The following RUNDC3A variants were observed in gnomAD, a reference collection of about 807,000 sequenced individuals.
RUNDC3A encodes the protein RUN domain-containing protein 3A.
In RUNDC3A, 28 loss-of-function variants were observed where a neutral mutation model predicts 53.9. The ratio of observed to expected loss-of-function variants is 0.52; its 90% CI spans 0.38 to 0.71. The LOEUF (loss-of-function observed/expected upper bound fraction) is 0.71. Among genes scored for constraint, RUNDC3A ranks in the 30% least tolerant of loss-of-function variants. The pLI is 0.00. For synonymous variants in RUNDC3A, 232 were observed against 249.4 expected (o/e 0.93, Z 0.66); for missense variants, 491 against 597.3 (o/e 0.82, Z 1.85).
rs1598332523 is a variant in RUNDC3A, at chr17:44,317,352, G to A, written c.1198+627G>A. On this transcript the variant is annotated intron_variant, in intron 10 of 10. Transcript: ENST00000426726. ...TGTTGTCACATGGTGAGGGCTCAGT[G>A]GTTTTTTAGTGTCATGACATCCTCG... The A allele has an allele frequency of 9.7e-6, 7 of 723,866 alleles. No homozygotes were observed. In the East Asian group the frequency reaches 1.3e-4, roughly 13 times the overall value. 44.8% of individuals were successfully genotyped at this position (723,866 alleles called of 1,614,324 possible). A position where few individuals can be genotyped will look rare whatever the true frequency, so the allele number is the denominator to read the frequency against.
chr17:44,314,674 T>G (rs850720), intron 4 of RUNDC3A, 61 bp from the exon 5 acceptor site: 31,834 of 835,688 alleles, frequency 0.038, 830 homozygotes, highest in Non-Finnish European at 0.043. Context: ...ATAGCAGCTC[T>G]GGGGGGGGGG....
chr17:44,318,389 C>G lies in RUNDC3A; in HGVS notation c.*151C>G, dbSNP rs2047918468. 33 of 917,552 alleles carry G rather than the reference C, an allele frequency of 3.6e-5. 1 individual carries two copies. In the South Asian group the frequency reaches 5.7e-4, roughly 16 times the overall value. The allele number at this position is 917,552 out of a possible 1,614,324, so 56.8% of individuals were successfully genotyped here. ...CTCGGGGAAGATCTCGTCTGCTCAC[C>G]TTAGCTTTCTGCCTTGGCAGCACGG... On this transcript the variant is annotated 3_prime_UTR_variant, in exon 11 of 11. Coordinates refer to ENST00000426726, the MANE Select transcript of RUNDC3A (RefSeq NM_001144825.2).
intron 10 of RUNDC3A, 51 bp from the exon 11 acceptor site, chr17:44,318,045 C>A: frequency 6.6e-7 from 1 of 1,524,486 alleles, no homozygotes; most frequent in Admixed American, 2.0e-5. Flanking sequence ...CCTCTACCAA[C>A]TCCCACACAT....
At chr17:44,312,518 C>A in intron 1 of RUNDC3A, 62 bp from the exon 2 acceptor site, 1 of 929,578 alleles carries the variant, frequency 1.1e-6, no homozygotes. Flanking sequence ...CCTGTCTCTC[C>A]CTCCATCACC....
chr17:44,311,569 T>C (rs895765597), intron 1 of RUNDC3A: 1 of 159,528 alleles, frequency 6.3e-6, no homozygotes, highest in African/African-American at 2.4e-5. Context: ...TTGATAAATA[T>C]AAGAAGAAAA....
intron 1 of RUNDC3A, chr17:44,311,245 C>T: frequency 7.1e-6 from 7 of 985,562 alleles, no homozygotes; most frequent in Non-Finnish European, 8.4e-6. Context: ...GGTCAGTGGT[C>T]CAAGGCTGGA....
chr17:44,309,130 A>G (rs1283030921), intron 1 of RUNDC3A, among the ~76,000 whole-genome samples, 191 bp downstream of exon 1: 1 of 152,144 alleles, frequency 6.6e-6, no homozygotes, highest in African/African-American at 2.4e-5. Context: ...CTTCTAGGCC[A>G]AGCCAAGCCT....
rs1295425265 is a variant in RUNDC3A at position 44,316,855 on chromosome 17, C to G, written c.1198+130C>G. 4.8e-6 allele frequency: 3 copies of G among 623,468 alleles called. No individual in the cohort carries two copies. In the African/African-American group the frequency reaches 6.0e-5, roughly 13 times the overall value. The allele number at this position is 623,468 out of a possible 1,614,324, so 38.6% of individuals were successfully genotyped here. A position where few individuals can be genotyped will look rare whatever the true frequency, so the allele number is the denominator to read the frequency against. ...TTTTTTTTTTTGAGACGGAGTCTCACTCTGTCATCCAAGTTGGAGTGCAGT... is the reference window on the plus strand; with the variant it reads ...TTTTTTTTTTTGAGACGGAGTCTCAGTCTGTCATCCAAGTTGGAGTGCAGT... On this transcript the variant is annotated intron_variant, in intron 10 of 10. Transcript: ENST00000426726.
At chr17:44,309,286 G>A (rs998323551) in intron 1 of RUNDC3A, among the ~76,000 whole-genome samples, 2 of 152,130 alleles carry the variant, frequency 1.3e-5, no homozygotes, top group Non-Finnish European at 2.9e-5. Flanking sequence ...GGACAGAGGG[G>A]ACCCCGTGGG....
chr17:44,318,070 T>G (rs1025503514), intron 10 of RUNDC3A, 26 bp from the exon 11 acceptor site: 1 of 1,547,784 alleles, frequency 6.5e-7, no homozygotes, highest in African/African-American at 1.4e-5. Flanking sequence ...ACTGGTCGCT[T>G]GGCCTCACCT....
intron 4 of RUNDC3A, 104 bp downstream of exon 4, chr17:44,313,607 T>G (rs2047793404): frequency 6.9e-7 from 1 of 1,458,952 alleles, no homozygotes; most frequent in African/African-American, 1.4e-5. Flanking sequence ...GTTCCTGGAC[T>G]ACAAGTCCCA....
At chr17:44,309,661 C>A (rs1391520456) in intron 1 of RUNDC3A, among the ~76,000 whole-genome samples, 1 of 152,116 alleles carries the variant, frequency 6.6e-6, no homozygotes, top group East Asian at 1.9e-4. Context: ...AAAACCAGGG[C>A]ATGGCCAGCT....
At chr17:44,314,676 G>GGGA in intron 4 of RUNDC3A, 59 bp from the exon 5 acceptor site, 1 of 519,304 alleles carries the variant, frequency 1.9e-6, no homozygotes, top group Non-Finnish European at 2.4e-6. Context: ...AGCAGCTCTG[G>GGGA]GGGGGGGGGG....
In RUNDC3A at chr17:44,316,643, G is replaced by A. The variant is rs1216281618; in HGVS notation, c.1116G>A (p.Pro372=). The A allele has an allele frequency of 1.9e-6, 3 of 1,550,826 alleles. No homozygotes were observed. Among genetic ancestry groups the A allele is most frequent in the South Asian group, 1.2e-5 (1 of 84,096 alleles). Residue 372 remains proline, a synonymous_variant, in exon 10 of 11, where the codon CCG becomes CCA. Transcript: ENST00000426726. ...GACACAGCTTCATGAGCACGGAGCC[G>A]CTGTCAGCTGAAGCCAGTCTGAGCT... The part of the protein sequence containing the change: ...YRRHSFMSTE[P]LSAEASLSSD...
At chr17:44,312,373 C>T (rs2047764586) in intron 1 of RUNDC3A, among the ~76,000 whole-genome samples, 1 of 152,148 alleles carries the variant, frequency 6.6e-6, no homozygotes, top group Non-Finnish European at 1.5e-5. Context: ...TGTCACCCTT[C>T]CTCCCCATCT....
intron 4 of RUNDC3A, chr17:44,314,516 G>T: frequency 7.0e-7 from 1 of 1,420,902 alleles, no homozygotes; most frequent in South Asian, 1.6e-5. Context: ...TAGCTCAGAG[G>T]GAGGAGTCGG....
At chr17:44,317,722 T>C in intron 10 of RUNDC3A, 1 of 620,758 alleles carries the variant, frequency 1.6e-6, no homozygotes. Context: ...GTGTTTGTGA[T>C]TGTCTGTGTG....
chr17:44,314,893 A>G, intron 5 of RUNDC3A, 36 bp from the exon 6 acceptor site: 1 of 1,613,902 alleles, frequency 6.2e-7, no homozygotes, highest in Non-Finnish European at 8.5e-7. Flanking sequence ...CCAACCCCTC[A>G]CACCCACCTC....
In RUNDC3A at chr17:44,314,162, G is replaced by A. The variant is rs117551702; in HGVS notation, c.459-573G>A. 35 of 995,174 alleles carry A rather than the reference G, an allele frequency of 3.5e-5. No individual in the cohort carries two copies. The East Asian group carries it at 3.8e-3, about 107-fold the overall frequency. 61.6% of individuals were successfully genotyped at this position (995,174 alleles called of 1,614,324 possible). On this transcript the variant is annotated intron_variant, in intron 4 of 10. Coordinates refer to ENST00000426726, the MANE Select transcript of RUNDC3A (RefSeq NM_001144825.2). ...TCTGTCTCTCCAAACAACGAAAGCA[G>A]TTCTGTACTTGCTATTCACGGACAC...
Sources: allele counts gnomAD v4.1 joint callset (sites outside exome capture counted in the v4.1 genomes callset), GRCh38; gene constraint gnomAD v4.1.1; transcripts MANE v1.5; gene names NCBI Gene and HGNC (gene_info 2026-07-23, HGNC 2026-07-21).